Variants in GSE1 observed in about 807,000 individuals in gnomAD.
The protein encoded by GSE1 is Gse1 coiled-coil protein.
A neutral mutation model predicts 112.6 loss-of-function variants in GSE1; 32 were observed. The observed-to-expected ratio is 0.28, with a 90% confidence interval of 0.21 to 0.38. The LOEUF (loss-of-function observed/expected upper bound fraction) is 0.38. Ranked by LOEUF, GSE1 falls within the 10% of genes least tolerant of loss-of-function variation. The probability of loss-of-function intolerance (pLI) is 1.00; values close to 1 mark genes in which losing one functional copy is unlikely to be tolerated. For synonymous variants in GSE1, 1,115 were observed against 735.6 expected (o/e 1.52, Z -8.35); for missense variants, 2,348 against 1,699.2 (o/e 1.38, Z -6.71).
At chr16:85,287,666 C>T (rs2045077817) in intron 1 of GSE1, among the ~76,000 whole-genome samples, 1 of 151,982 alleles carries the variant, frequency 6.6e-6, no homozygotes, top group Non-Finnish European at 1.5e-5. Flanking sequence ...CTTTCCTGAC[C>T]ACCCTTTCTA....
chr16:85,382,862 A>C (rs1049734326), intron 2 of GSE1, among the ~76,000 whole-genome samples: 7 of 151,838 alleles, frequency 4.6e-5, no homozygotes, highest in Non-Finnish European at 7.4e-5. Flanking sequence ...ATGTGCACAC[A>C]CAGCACACAT....
chr16:85,611,057 G>A (rs1264092081), upstream of GSE1, among the ~76,000 whole-genome samples: 1 of 152,256 alleles, frequency 6.6e-6, no homozygotes. Context: ...GAAGGGAGTA[G>A]GTGGTGGCAC....
chr16:85,584,392 G>A (rs557598152), intron 1 of GSE1, among the ~76,000 whole-genome samples: 23 of 152,172 alleles, frequency 1.5e-4, no homozygotes, highest in African/African-American at 3.4e-4. Flanking sequence ...AGCACACCCC[G>A]CCTTCCCTCC....
At chr16:85,306,353 C>G (rs146111567) in intron 1 of GSE1, 1 of 154,212 alleles carries the variant, frequency 6.5e-6, no homozygotes, top group Admixed American at 6.5e-5. Context: ...CAGGAGGCCA[C>G]GGTGCCTGAG....
intron 1 of GSE1, among the ~76,000 whole-genome samples, chr16:85,572,673 C>T (rs1207399935): frequency 1.3e-5 from 2 of 152,188 alleles, no homozygotes; most frequent in African/African-American, 2.4e-5. Context: ...GGGGCTGCTC[C>T]GGAACCCAGT....
chr16:85,426,319 GT>G (rs147538385), intron 2 of GSE1, among the ~76,000 whole-genome samples: 1,689 of 141,690 alleles, frequency 0.012, 60 homozygotes, highest in African/African-American at 0.044. Context: ...GGAAGGGTGG[GT>G]GGGTAGATGT....
chr16:85,334,775 C>T (rs1247042054), intron 1 of GSE1, among the ~76,000 whole-genome samples: 4 of 152,236 alleles, frequency 2.6e-5, no homozygotes, highest in Non-Finnish European at 4.4e-5. Flanking sequence ...AGCGTATTCA[C>T]TGCCGGTTAT....
At chr16:85,306,042 G>C (rs1057298774) in intron 1 of GSE1, among the ~76,000 whole-genome samples, 3 of 152,112 alleles carry the variant, frequency 2.0e-5, no homozygotes, top group African/African-American at 7.2e-5. Context: ...AGTGAGCCTA[G>C]ATCGTGCCAC....
rs1201882241 is a variant in GSE1 at position 85,634,015 on chromosome 16, G to A, written c.109G>A (p.Ala37Thr). ...CCTCACCCCCTCGCCGCTCAATGGCGCCCTGGTGCCCAGCGGCAGCCCCGC... is the reference window on the plus strand; with the variant it reads ...CCTCACCCCCTCGCCGCTCAATGGCACCCTGGTGCCCAGCGGCAGCCCCGC... The part of the protein sequence containing the change: ...NPLTPSPLNG[A>T]LVPSGSPATS... The change falls in exon 2 of 16, where the codon GCC (alanine) becomes ACC (threonine). Residue 37 changes from alanine (A) to threonine (T), a missense_variant. Coordinates refer to ENST00000253458, the MANE Select transcript of GSE1 (RefSeq NM_014615.5). 23 of 1,611,748 alleles carry A rather than the reference G, an allele frequency of 1.4e-5. No homozygotes were observed. The highest frequency in any genetic ancestry group is 2.7e-5 in the African/African-American group (2 of 74,874).
chr16:85,329,885 T>A (rs912924445), intron 1 of GSE1, among the ~76,000 whole-genome samples: 1 of 96,184 alleles, frequency 1.0e-5, no homozygotes, highest in Non-Finnish European at 2.0e-5. Context: ...GGGCCAGGCA[T>A]CAGGGGCAGG....
chr16:85,327,315 T>C (rs1172979404), intron 1 of GSE1, among the ~76,000 whole-genome samples: 1 of 152,052 alleles, frequency 6.6e-6, no homozygotes, highest in African/African-American at 2.4e-5. Context: ...AACTGGAAGG[T>C]TCTAAGGCCG....
chr16:85,248,394 C>T (rs1057063489), intron 1 of GSE1, among the ~76,000 whole-genome samples: 10 of 151,944 alleles, frequency 6.6e-5, no homozygotes, highest in South Asian at 2.1e-4. Flanking sequence ...TTTTTTCCCT[C>T]TTCTTTCTGT....
chr16:85,350,114 C>T lies in GSE1; in HGVS notation c.2284-7349C>T, dbSNP rs59283384. ...TTGCTGGGATGATTAAATGGGCTGC[C>T]GATGGCAGGTGCTCAGCTGGCACCT... On this transcript the variant is annotated intron_variant, in intron 1 of 2. Transcript: ENST00000637419. 7.0e-3 allele frequency among the ~76,000 whole-genome samples: 1,060 copies of T among 152,238 alleles called. 15 individuals are homozygous for T. The highest frequency in any genetic ancestry group is 0.024 in the African/African-American group (1,001 of 41,522).
intron 2 of GSE1, among the ~76,000 whole-genome samples, chr16:85,488,767 A>G (rs1399238335): frequency 1.3e-5 from 2 of 152,124 alleles, no homozygotes; most frequent in African/African-American, 4.8e-5. Context: ...CTCTGGGAGA[A>G]GCTTGAGCAC....
chr16:85,260,439 C>T (rs1427407113), intron 1 of GSE1, among the ~76,000 whole-genome samples: 1 of 146,228 alleles, frequency 6.8e-6, no homozygotes, highest in Admixed American at 7.1e-5. Context: ...TCTCCTGCTT[C>T]AGCGTCCCAA....
intron 2 of GSE1, among the ~76,000 whole-genome samples, chr16:85,496,845 G>C (rs1323787082): frequency 6.6e-6 from 1 of 152,140 alleles, no homozygotes; most frequent in East Asian, 1.9e-4. Flanking sequence ...TTGGGGCTCA[G>C]GGCAGCCCCT....
intron 1 of GSE1, among the ~76,000 whole-genome samples, chr16:85,322,908 G>A (rs1036709402): frequency 3.3e-5 from 5 of 152,150 alleles, no homozygotes; most frequent in Admixed American, 2.6e-4. Context: ...GAGCCACCAC[G>A]CCCAGCCTCC....
intron 2 of GSE1, among the ~76,000 whole-genome samples, chr16:85,404,216 C>G (rs2048197232): frequency 2.1e-5 from 2 of 95,498 alleles, no homozygotes; most frequent in Non-Finnish European, 4.3e-5. Flanking sequence ...ATAATCCTCA[C>G]CGTTACACTC....
intron 1 of GSE1, among the ~76,000 whole-genome samples, chr16:85,617,605 C>T (rs1045137424): frequency 1.9e-5 from 2 of 105,212 alleles, no homozygotes; most frequent in Non-Finnish European, 4.7e-5. Context: ...CTCCCCCCCC[C>T]CCCCCCGTTA....
Sources: gnomAD v4.1 joint callset for allele counts (sites outside exome capture counted in the v4.1 genomes callset) on GRCh38, gnomAD v4.1.1 for gene constraint, MANE v1.5 for transcripts, NCBI Gene and HGNC (gene_info 2026-07-23, HGNC 2026-07-21) for gene names.